The following KLC1 variants were observed in gnomAD, a reference collection of about 807,000 sequenced individuals.
KLC1 encodes the protein kinesin 2 60/70kDa.
A neutral mutation model predicts 84.2 loss-of-function variants in KLC1; 30 were observed. The ratio of observed to expected loss-of-function variants is 0.36; its 90% CI spans 0.27 to 0.48. The LOEUF (loss-of-function observed/expected upper bound fraction) is 0.48. KLC1 is among the 20% of genes least tolerant of loss of function. The probability of loss-of-function intolerance (pLI) is 0.99; values close to 1 mark genes in which losing one functional copy is unlikely to be tolerated. For missense variants in KLC1, 499 were observed against 805.4 expected, an observed-to-expected ratio of 0.62 and a Z score of 4.60; for synonymous variants, 289 against 293.3, an observed-to-expected ratio of 0.99 and a Z score of 0.15.
intron 15 of KLC1, chr14:103,697,217 A>C: frequency 3.0e-6 from 2 of 657,652 alleles, no homozygotes; most frequent in Non-Finnish European, 3.8e-6. Flanking sequence ...ACTTTTTCCC[A>C]TGTTCATGCC....
intron 15 of KLC1, chr14:103,699,229 T>C (rs1170012054): frequency 1.3e-6 from 2 of 1,543,238 alleles, no homozygotes; most frequent in Non-Finnish European, 1.7e-6. Context: ...GTCTTCTCGA[T>C]GGTTAGGCAC....
chr14:103,647,874 C>CA lies in KLC1; in HGVS notation c.-1-6675dup, dbSNP rs577778256. ...CTGGCGACAGAGCAAGACTCCATCT[C>CA]AAAAAAAAAAAAAAAGAATAGCATT... is the stretch of plus-strand genomic sequence containing the variant. On this transcript the variant is annotated intron_variant, in intron 1 of 16. Coordinates refer to ENST00000334553, the MANE Select transcript of KLC1 (RefSeq NM_001394837.1). Among the ~76,000 whole-genome samples the CA allele has an allele frequency of 5.4e-3, 490 of 90,096 alleles. 1 individual carries two copies. The highest frequency in any genetic ancestry group is 0.014 in the Middle Eastern group (2 of 148). 59.1% of individuals were successfully genotyped at this position (90,096 alleles called of 152,430 possible).
intron 1 of KLC1, among the ~76,000 whole-genome samples, chr14:103,648,205 T>C (rs904737196): frequency 2.0e-5 from 3 of 152,284 alleles, no homozygotes; most frequent in Middle Eastern, 3.4e-3. Context: ...TGCCTTGGCC[T>C]CCCAAAGTGC....
intron 5 of KLC1, among the ~76,000 whole-genome samples, chr14:103,668,804 G>A (rs1176858990): frequency 6.7e-6 from 1 of 149,912 alleles, no homozygotes; most frequent in African/African-American, 2.5e-5. Context: ...TTTTGAGACA[G>A]TCTCACTCTG....
Position 103,688,510 on chromosome 14 carries a change from A to G in KLC1, c.1781+1299A>G, listed in dbSNP as rs564938487. 6.6e-5 allele frequency among the ~76,000 whole-genome samples: 10 copies of G among 152,238 alleles called. No individual in the cohort carries two copies. In the East Asian group the frequency reaches 1.9e-3, roughly 29 times the overall value. Reference sequence around the variant, plus strand: ...GTATGTCCACTTTTTCATCTCTCTCAGTATCCCTGATAACCTAAGCCCTTA... The same window carrying G: ...GTATGTCCACTTTTTCATCTCTCTCGGTATCCCTGATAACCTAAGCCCTTA... On this transcript the variant is annotated intron_variant, in intron 14 of 16. Transcript: ENST00000334553.
Position 103,693,700 on chromosome 14 carries a change from C to T in KLC1, c.1848+1275C>T, listed in dbSNP as rs534892158. On this transcript the variant is annotated intron_variant, in intron 15 of 16. Transcript: ENST00000334553. This position sits in a 1 kb window ranked among gnomAD's most constrained non-coding sequence, Gnocchi z 5.1. ...CGCCCCTCACCGCCCTGCCCGGAGG[C>T]GCCAGCCGCACTCCTTGGCTTCCTT... 2.0e-4 allele frequency: 302 copies of T among 1,504,768 alleles called. 1 individual carries two copies. The South Asian group carries it at 3.0e-3, about 15-fold the overall frequency. The allele number at this position is 1,504,768 out of a possible 1,614,324, so 93.2% of individuals were successfully genotyped here. A position where few individuals can be genotyped will look rare whatever the true frequency, so the allele number is the denominator to read the frequency against.
Position 103,662,790 on chromosome 14 carries a change from G to A in KLC1, c.660G>A (p.Val220=). ...PARLRTLHNL[V]IQYASQGRYE... is the part of the protein sequence containing the mutation. ...GGCTGCGGACGCTCCACAACCTGGTGATCCAGTACGCCTCGCAGGGGCGCT... is the reference window on the plus strand; with the variant it reads ...GGCTGCGGACGCTCCACAACCTGGTAATCCAGTACGCCTCGCAGGGGCGCT... Residue 220 remains valine, a synonymous_variant, in exon 5 of 17, where the codon GTG becomes GTA. Coordinates refer to ENST00000334553, the MANE Select transcript of KLC1 (RefSeq NM_001394837.1). 1 of 1,612,682 alleles carries A rather than the reference G, an allele frequency of 6.2e-7. No individual in the cohort carries two copies. Among genetic ancestry groups the A allele is most frequent in the Non-Finnish European group, 8.5e-7 (1 of 1,179,816 alleles).
intron 15 of KLC1, chr14:103,696,576 T>C (rs2082541868): frequency 2.0e-6 from 2 of 985,480 alleles, no homozygotes; most frequent in Non-Finnish European, 2.4e-6. Context: ...GTGTGTACGC[T>C]GTGGTCAGAT....
chr14:103,700,150 GA>G (rs1158909960), intron 15 of KLC1: 1 of 202,544 alleles, frequency 4.9e-6, no homozygotes, highest in African/African-American at 2.3e-5. Context: ...CACTCTGGGA[GA>G]CCACCTGGGG....
At chr14:103,670,396 G>T in intron 7 of KLC1, 113 bp downstream of exon 7, 1 of 648,164 alleles carries the variant, frequency 1.5e-6, no homozygotes, top group African/African-American at 1.8e-5. Flanking sequence ...GAGTGCGGTG[G>T]CGTGATCTCG....
chr14:103,662,864 A>G lies in KLC1; in HGVS notation c.734A>G (p.Lys245Arg). 6.2e-7 allele frequency: 1 copy of G among 1,613,810 alleles called. No homozygotes were observed. Among genetic ancestry groups the G allele is most frequent in the Non-Finnish European group, 8.5e-7 (1 of 1,179,966 alleles). The change falls in exon 5 of 17, where the codon AAG becomes AGG. Residue 245 changes from lysine (K) to arginine (R), a missense_variant. Transcript: ENST00000334553. ...LCKQALEDLE[K>R]TSGHDHPDVA... ...AAGCAGGCCCTGGAGGACCTGGAGA[A>G]GACTTCAGGACACGACCACCCGGAC...
In KLC1 at chr14:103,677,401, G is replaced by A; in HGVS notation, c.1380-14G>A. On this transcript the variant is annotated splice_polypyrimidine_tract_variant and intron_variant, in intron 11 of 16. Coordinates refer to ENST00000334553, the MANE Select transcript of KLC1 (RefSeq NM_001394837.1). Reference sequence around the variant, plus strand: ...TATATGTCATAGTTCTGTATGTCATGTGCTTTCTTACAGTCCAACTGTTAC... The same window carrying A: ...TATATGTCATAGTTCTGTATGTCATATGCTTTCTTACAGTCCAACTGTTAC... 1 of 1,498,320 alleles carries A rather than the reference G, an allele frequency of 6.7e-7. No individual in the cohort carries two copies. Among genetic ancestry groups the A allele is most frequent in the Non-Finnish European group, 9.3e-7 (1 of 1,074,474 alleles). 92.8% of individuals were successfully genotyped at this position (1,498,320 alleles called of 1,614,324 possible). A position where few individuals can be genotyped will look rare whatever the true frequency, so the allele number is the denominator to read the frequency against.
intron 14 of KLC1, 112 bp from the exon 15 acceptor site, chr14:103,692,247 C>T (rs1168770267): frequency 6.3e-6 from 6 of 946,830 alleles, no homozygotes; most frequent in Non-Finnish European, 8.1e-6. Flanking sequence ...GGCAAGGTCC[C>T]TAGAGCCCCC....
intron 7 of KLC1, among the ~76,000 whole-genome samples, chr14:103,672,132 C>A (rs1244306679): frequency 6.6e-6 from 1 of 152,074 alleles, no homozygotes; most frequent in East Asian, 1.9e-4. Flanking sequence ...GGGCCAGAGC[C>A]AGGGGGTGTT....
chr14:103,631,612 A>G (rs1251558314), intron 1 of KLC1, among the ~76,000 whole-genome samples: 1 of 151,946 alleles, frequency 6.6e-6, no homozygotes, highest in Non-Finnish European at 1.5e-5. Flanking sequence ...ATTTTTATTT[A>G]TTTAGAGATG....
chr14:103,654,497 T>A, intron 1 of KLC1, 67 bp from the exon 2 acceptor site: 1 of 1,345,654 alleles, frequency 7.4e-7, no homozygotes, highest in Non-Finnish European at 1.0e-6. Context: ...ATTTTCATAT[T>A]TACTTGATGT....
intron 15 of KLC1, chr14:103,698,880 G>A (rs1176314260): frequency 6.2e-7 from 1 of 1,606,174 alleles, no homozygotes. Flanking sequence ...CAGGTGGGGG[G>A]CAGAGAGCAC....
At chr14:103,631,927 A>G (rs1180478646) in intron 1 of KLC1, among the ~76,000 whole-genome samples, 2 of 152,182 alleles carry the variant, frequency 1.3e-5, no homozygotes, top group Non-Finnish European at 2.9e-5. Context: ...TAGCAAAGAA[A>G]TGATCAGTAA....
intron 15 of KLC1, chr14:103,696,598 GT>G (rs896762618): frequency 2.0e-6 from 2 of 985,398 alleles, no homozygotes; most frequent in African/African-American, 3.5e-5. Flanking sequence ...TCTGAATGCT[GT>G]AGAGCACTTA....
Sources: allele counts gnomAD v4.1 joint callset (sites outside exome capture counted in the v4.1 genomes callset), GRCh38; gene constraint gnomAD v4.1.1; non-coding constraint Gnocchi (gnomAD v3.1); transcripts MANE v1.5; gene names NCBI Gene and HGNC (gene_info 2026-07-23, HGNC 2026-07-21).